The following PCDHGA7 variants were observed in gnomAD, a reference collection of about 807,000 sequenced individuals.
PCDHGA7 encodes the protein protocadherin gamma-A7.
A neutral mutation model predicts 58.3 loss-of-function variants in PCDHGA7; 44 were observed. That is an observed-to-expected ratio of 0.75 (90% confidence interval 0.59 to 0.97). PCDHGA7 has a LOEUF of 0.97. Among genes scored for constraint, PCDHGA7 ranks in the 50% least tolerant of loss-of-function variants. PCDHGA7 has a pLI of 0.00. For synonymous variants in PCDHGA7, 516 were observed against 504.2 expected, an observed-to-expected ratio of 1.02 and a Z score of -0.31; for missense variants, 1,266 against 1,188.7, an observed-to-expected ratio of 1.06 and a Z score of -0.96.
At chr5:141,410,182 T>G in intron 1 of PCDHGA7, 1 of 1,613,868 alleles carries the variant, frequency 6.2e-7, no homozygotes, top group Non-Finnish European at 8.5e-7. Flanking sequence ...CCGCCACGCT[T>G]CATCTGGTCT....
intron 3 of PCDHGA7, among the ~76,000 whole-genome samples, chr5:141,507,805 G>C (rs2099863746): frequency 6.6e-6 from 1 of 152,204 alleles, no homozygotes; most frequent in Non-Finnish European, 1.5e-5. Flanking sequence ...TGCGCCCTGG[G>C]GAACGGACCC....
chr5:141,410,502 T>C, intron 1 of PCDHGA7: 2 of 1,614,018 alleles, frequency 1.2e-6, no homozygotes, highest in Non-Finnish European at 1.7e-6. Context: ...TTTAATTTCC[T>C]AAAATGCAGT....
At chr5:141,416,011 G>A (rs2095982763) in intron 1 of PCDHGA7, 2 of 239,912 alleles carry the variant, frequency 8.3e-6, no homozygotes, top group Non-Finnish European at 7.8e-6. Flanking sequence ...GGTAAGAATA[G>A]GTAAGTATCA....
chr5:141,421,787 C>A (rs753196648), intron 1 of PCDHGA7: 1 of 1,613,812 alleles, frequency 6.2e-7, no homozygotes, highest in East Asian at 2.2e-5. Flanking sequence ...CGGGGCAGAA[C>A]GGATGGGGCC....
intron 1 of PCDHGA7, chr5:141,417,914 C>T: frequency 6.2e-7 from 1 of 1,602,320 alleles, no homozygotes; most frequent in Non-Finnish European, 8.5e-7. Context: ...GGTACTATTT[C>T]CTTTGCTGCT....
chr5:141,439,333 G>A (rs964224344), intron 1 of PCDHGA7, among the ~76,000 whole-genome samples: 1 of 152,154 alleles, frequency 6.6e-6, no homozygotes, highest in Non-Finnish European at 1.5e-5. Flanking sequence ...TGGAAAGAAA[G>A]ATTCTAAGCC....
rs199965876 is a variant in PCDHGA7, at chr5:141,419,464, C to G, written c.2424+34141C>G. ...CCTTCGAGCTCACGCTGCAGGCCCG[C>G]GACCAGGGCTCGCCCGCGCTCAGCG... On this transcript the variant is annotated intron_variant, in intron 1 of 3. Transcript: ENST00000518325. 4 of 1,612,542 alleles carry G rather than the reference C, an allele frequency of 2.5e-6. No homozygotes were observed. In the Admixed American group the frequency reaches 6.7e-5, roughly 27 times the overall value.
chr5:141,450,669 T>C (rs2098689726), intron 1 of PCDHGA7, among the ~76,000 whole-genome samples: 1 of 151,904 alleles, frequency 6.6e-6, no homozygotes, highest in Admixed American at 6.6e-5. Context: ...GTACTTTTAG[T>C]AGAAACGGGG....
At chr5:141,473,039 A>G (rs1593411714) in intron 1 of PCDHGA7, among the ~76,000 whole-genome samples, 1 of 152,016 alleles carries the variant, frequency 6.6e-6, no homozygotes, top group East Asian at 1.9e-4. Context: ...GGAAGGAAAG[A>G]AAGAAAGAAG....
chr5:141,422,833 C>T, intron 1 of PCDHGA7: 2 of 1,614,224 alleles, frequency 1.2e-6, no homozygotes, highest in East Asian at 2.2e-5. Context: ...AGTGATAGCA[C>T]GTGACAGCGG....
At chr5:141,407,534 A>T (rs72790039) in intron 1 of PCDHGA7, among the ~76,000 whole-genome samples, 1 of 149,478 alleles carries the variant, frequency 6.7e-6, no homozygotes, top group Non-Finnish European at 1.5e-5. Flanking sequence ...CTTATTGTGC[A>T]TTGGTAACAG....
At chr5:141,396,661 A>T (rs2093417070) in intron 1 of PCDHGA7, 1 of 152,162 alleles carries the variant, frequency 6.6e-6, no homozygotes, top group Admixed American at 6.5e-5. Flanking sequence ...AACTCGGTAT[A>T]GGCTATCCAT....
In PCDHGA7 at chr5:141,491,715, G is replaced by A. The variant is rs1333909488; in HGVS notation, c.2425-3092G>A. 1 of 1,607,782 alleles carries A rather than the reference G, an allele frequency of 6.2e-7. No individual in the cohort carries two copies. Among genetic ancestry groups the A allele is most frequent in the Admixed American group, 1.7e-5 (1 of 58,966 alleles). On this transcript the variant is annotated intron_variant, in intron 1 of 3. Transcript: ENST00000518325. This position sits in a 1 kb window ranked among gnomAD's most constrained non-coding sequence, Gnocchi z 6.9. ...AGCGGAGCCAGGTGAGGGGCTCGGC[G>A]CCGCCCCGGGCGACCCCTGGGGGCG...
chr5:141,472,954 C>A (rs2099305799), intron 1 of PCDHGA7, among the ~76,000 whole-genome samples: 1 of 143,370 alleles, frequency 7.0e-6, no homozygotes, highest in Admixed American at 7.3e-5. Flanking sequence ...CCATTGCACT[C>A]CAGCCTGGGG....
intron 1 of PCDHGA7, among the ~76,000 whole-genome samples, chr5:141,492,164 C>G (rs1180358388): frequency 6.6e-6 from 1 of 152,230 alleles, no homozygotes; most frequent in Non-Finnish European, 1.5e-5. Context: ...CTCCCTATCC[C>G]CGCATCACCC....
Position 141,490,486 on chromosome 5 carries a change from G to A in PCDHGA7, c.2425-4321G>A, listed in dbSNP as rs1187388706. The A allele has an allele frequency of 1.2e-6, 2 of 1,614,090 alleles. No individual in the cohort carries two copies. On this transcript the variant is annotated intron_variant, in intron 1 of 3. Transcript: ENST00000518325. The surrounding 1 kb of genome is among the most constrained non-coding windows in gnomAD (Gnocchi z 5.4). ...AACCAGCCAGCCTTTGGACCGGGAG[G>A]CCACATCCCACTATATCATCGAGCT...
Position 141,491,034 on chromosome 5 carries a change from T to C in PCDHGA7, c.2425-3773T>C, listed in dbSNP as rs375902824. On this transcript the variant is annotated intron_variant, in intron 1 of 3. Coordinates refer to ENST00000518325, the MANE Select transcript of PCDHGA7 (RefSeq NM_018920.4). The surrounding 1 kb of genome is among the most constrained non-coding windows in gnomAD (Gnocchi z 6.9). The stretch of plus-strand genomic sequence containing the variant: ...CCAAGGTGACAGCCGTGGATGCTGA[T>C]GCAGGCCACAATGCGTGGCTCTCCT... 19 of 1,614,170 alleles carry C rather than the reference T, an allele frequency of 1.2e-5. No homozygotes were observed. Among genetic ancestry groups the C allele is most frequent in the East Asian group, 4.5e-5 (2 of 44,894 alleles).
intron 2 of PCDHGA7, 34 bp from the exon 3 acceptor site, chr5:141,505,359 G>T: frequency 1.9e-6 from 3 of 1,613,870 alleles, no homozygotes; most frequent in Non-Finnish European, 2.5e-6. Context: ...TGCCGGCCTG[G>T]GAGTCTGTGC....
At chr5:141,478,574 C>T (rs2099465133) in intron 1 of PCDHGA7, 1 of 1,586,288 alleles carries the variant, frequency 6.3e-7, no homozygotes, top group Non-Finnish European at 8.6e-7. Flanking sequence ...ATGCTTGACC[C>T]TGTTAGTGCT....
Sources: allele counts gnomAD v4.1 joint callset (sites outside exome capture counted in the v4.1 genomes callset), GRCh38; gene constraint gnomAD v4.1.1; non-coding constraint Gnocchi (gnomAD v3.1); transcripts MANE v1.5; gene names NCBI Gene and HGNC (gene_info 2026-07-23, HGNC 2026-07-21).